The following HUWE1 variants were observed in gnomAD, a reference collection of about 807,000 sequenced individuals.
The protein encoded by HUWE1 is E3 ubiquitin-protein ligase HUWE1.
In HUWE1, 18 loss-of-function variants were observed where a neutral mutation model predicts 299.4. That is an observed-to-expected ratio of 0.06 (90% CI 0.04 to 0.09). The LOEUF is 0.09. HUWE1 is among the 10% of genes least tolerant of loss of function. The pLI, the probability that HUWE1 is intolerant of heterozygous loss-of-function variation, is 1.00. For missense variants in HUWE1, 1,832 were observed against 3,462.3 expected (o/e 0.53, Z 11.82); for synonymous variants, 1,317 against 1,286.1 (o/e 1.02, Z -0.51).
intron 3 of HUWE1, among the ~76,000 whole-genome samples, chrX:53,664,417 C>G (rs782494013): frequency 3.8e-4 from 42 of 111,896 alleles, no homozygotes; most frequent in Non-Finnish European, 5.8e-4. Context: ...AGATTAAGAA[C>G]ACCATCTAAA....
At chrX:53,566,121 G>GTA (rs1239258009) in intron 49 of HUWE1, among the ~76,000 whole-genome samples, 3 of 37,031 alleles carry the variant, frequency 8.1e-5, no homozygotes, top group African/African-American at 2.9e-4. Flanking sequence ...GTATGTATGT[G>GTA]TGTGTGTGTG....
chrX:53,682,687 G>C (rs1971368119), intron 2 of HUWE1, among the ~76,000 whole-genome samples: 1 of 111,133 alleles, frequency 9.0e-6, no homozygotes, highest in Non-Finnish European at 1.9e-5. Context: ...TAAGAAGTGA[G>C]AAGCAGGTAA....
chrX:53,577,578 G>C (rs2063195336), intron 43 of HUWE1, among the ~76,000 whole-genome samples: 1 of 112,096 alleles, frequency 8.9e-6, no homozygotes, highest in Admixed American at 9.3e-5. Flanking sequence ...AGCCAAAGCT[G>C]GACGGTACTG....
At chrX:53,535,297 G>A in intron 81 of HUWE1, 87 bp downstream of exon 81, 1 of 622,725 alleles carries the variant, frequency 1.6e-6, no homozygotes, top group Non-Finnish European at 2.8e-6. Flanking sequence ...TGTCATAGCA[G>A]AGGAAAACAA....
rs368367468 is a variant in HUWE1 at position 53,569,762 on chromosome X, C to T, written c.6378G>A (p.Lys2126=). The change falls in exon 48 of 84, where the codon AAG becomes AAA. Residue 2126 remains lysine, a synonymous_variant. Transcript: ENST00000262854. The stretch of plus-strand genomic sequence containing the variant: ...ACAGGCGGGCCAAGGCAGGGGTGTC[C>T]TTGTCTTCTGCATTCTGGGTATGTG... ...LLPHTQNAED[K]DTPALARLFL... 2 of 1,212,192 alleles carry T rather than the reference C, an allele frequency of 1.6e-6. No homozygotes were observed. Among genetic ancestry groups the T allele is most frequent in the Non-Finnish European group, 2.2e-6 (2 of 895,564 alleles).
intron 25 of HUWE1, among the ~76,000 whole-genome samples, chrX:53,607,259 T>TG (rs782213414): frequency 2.1e-4 from 24 of 111,717 alleles, no homozygotes; most frequent in Non-Finnish European, 3.6e-4. Flanking sequence ...AAAGCTTTCT[T>TG]GGAGATACAC....
intron 7 of HUWE1, among the ~76,000 whole-genome samples, chrX:53,635,483 G>C (rs1557025928): frequency 9.1e-6 from 1 of 110,228 alleles, no homozygotes; most frequent in African/African-American, 3.3e-5. Context: ...CACCACGCCA[G>C]GCTACATTTT....
intron 3 of HUWE1, among the ~76,000 whole-genome samples, chrX:53,666,132 A>G (rs1267220588): frequency 8.9e-6 from 1 of 112,652 alleles, no homozygotes; most frequent in African/African-American, 3.2e-5. Flanking sequence ...TATCTTAAAA[A>G]TAACTTACTT....
At chrX:53,668,877 A>G (rs181092774) in intron 3 of HUWE1, among the ~76,000 whole-genome samples, 364 of 112,515 alleles carry the variant, frequency 3.2e-3, no homozygotes, top group African/African-American at 0.011. Flanking sequence ...ACTGTTAGCC[A>G]TAACTGCAGA....
intron 9 of HUWE1, among the ~76,000 whole-genome samples, chrX:53,632,281 T>G (rs2066924922): frequency 8.9e-6 from 1 of 111,813 alleles, no homozygotes; most frequent in Admixed American, 9.5e-5. Flanking sequence ...CTTGCATCTT[T>G]TGGCAGCTCC....
chrX:53,611,835 G>T (rs1603086548), intron 23 of HUWE1, among the ~76,000 whole-genome samples: 1 of 107,429 alleles, frequency 9.3e-6, no homozygotes, highest in East Asian at 2.9e-4. Context: ...TCCAGCCTGG[G>T]TGATGTAGTG....
chrX:53,570,656 C>G (rs1343487005), intron 47 of HUWE1, among the ~76,000 whole-genome samples: 1 of 112,418 alleles, frequency 8.9e-6, no homozygotes, highest in African/African-American at 3.2e-5. Context: ...TTAAGTCAGA[C>G]TCTTCTTTTT....
At chrX:53,550,026 A>G (rs1471914805) in intron 66 of HUWE1, among the ~76,000 whole-genome samples, 1 of 111,029 alleles carries the variant, frequency 9.0e-6, no homozygotes, top group African/African-American at 3.3e-5. Flanking sequence ...TGCTGGGATT[A>G]TAGGTGTGAG....
chrX:53,660,045 C>A (rs1190320125), intron 3 of HUWE1, among the ~76,000 whole-genome samples: 1 of 111,837 alleles, frequency 8.9e-6, no homozygotes, highest in Non-Finnish European at 1.9e-5. Context: ...GTGTCTGTAA[C>A]TACAGAAAGA....
rs782647579 is a variant in HUWE1, at chrX:53,631,093, A to C, written c.763-59T>G. The C allele has an allele frequency of 1.7e-4, 124 of 721,503 alleles. No individual in the cohort carries two copies. The African/African-American group carries it at 2.4e-3, about 14-fold the overall frequency. The allele number at this position is 721,503 out of a possible 1,213,427, so 59.5% of individuals were successfully genotyped here. The stretch of plus-strand genomic sequence containing the variant: ...TCAATGAAAAAGGTGAATATTCTTT[A>C]TGAGGGCTAACTCAAAAAACAACAC... On this transcript the variant is annotated intron_variant, in intron 11 of 83. Coordinates refer to ENST00000262854, the MANE Select transcript of HUWE1 (RefSeq NM_031407.7).
chrX:53,547,900 G>A lies in HUWE1; in HGVS notation c.10409C>T (p.Ser3470Leu). ...GCTGCCAGAATTAGCCTGTGCTTCT[G>A]ACACCTTGTTTTCTGGGAGAGCAAT... is the stretch of plus-strand genomic sequence containing the variant. ...ISIALPENKV[S>L]EAQANSGSGA... The change falls in exon 68 of 84, where the codon TCA becomes TTA. Residue 3470 changes from serine to leucine, a missense_variant. Physicochemically the swap from Ser to Leu is moderately radical, Grantham distance 145. Coordinates refer to ENST00000262854, the MANE Select transcript of HUWE1 (RefSeq NM_031407.7). The A allele has an allele frequency of 8.3e-7, 1 of 1,210,812 alleles. No individual in the cohort carries two copies.
intron 29 of HUWE1, among the ~76,000 whole-genome samples, chrX:53,599,656 A>C (rs1556988312): frequency 8.9e-6 from 1 of 112,432 alleles, no homozygotes; most frequent in Non-Finnish European, 1.9e-5. Flanking sequence ...AAAAGAGAAG[A>C]CTAGGTGGAA....
chrX:53,543,263 T>C (rs1056647384), intron 73 of HUWE1, among the ~76,000 whole-genome samples: 6 of 110,886 alleles, frequency 5.4e-5, no homozygotes, highest in African/African-American at 2.0e-4. Flanking sequence ...TGCCACAGCA[T>C]ACACATGTGA....
chrX:53,615,321 G>A (rs1228870481), intron 22 of HUWE1, among the ~76,000 whole-genome samples: 1 of 108,230 alleles, frequency 9.2e-6, no homozygotes, highest in Non-Finnish European at 1.9e-5. Context: ...TCCGCCTCCC[G>A]AGTTCAAGTG....
Sources: allele counts gnomAD v4.1 joint callset (sites outside exome capture counted in the v4.1 genomes callset), GRCh38; gene constraint gnomAD v4.1.1; transcripts MANE v1.5; gene names NCBI Gene and HGNC (gene_info 2026-07-23, HGNC 2026-07-21).